The following RYR1 variants were observed in gnomAD, a reference collection of about 807,000 sequenced individuals.
The protein encoded by RYR1 is ryanodine receptor 1, also known as central core disease of muscle.
In RYR1, 342 loss-of-function variants were observed where a neutral mutation model predicts 583.5. That is an observed-to-expected ratio of 0.59 (90% CI 0.54 to 0.64). The LOEUF is 0.64. Among genes scored for constraint, RYR1 ranks in the 30% least tolerant of loss-of-function variants. The pLI is 0.00. For missense variants in RYR1, 6,032 were observed against 6,917.2 expected (o/e 0.87, Z 4.54); for synonymous variants, 2,791 against 2,822.5 (o/e 0.99, Z 0.35).
At chr19:38,536,655 G>A in intron 82 of RYR1, 95 bp from the exon 83 acceptor site, 1 of 1,412,346 alleles carries the variant, frequency 7.1e-7, no homozygotes, top group Non-Finnish European at 9.9e-7. Flanking sequence ...CTGTGTCTCT[G>A]TCCCTGACTG....
rs1970693167 is a variant in RYR1, at chr19:38,510,799, C to G, written c.9122+18C>G. 1 of 1,613,986 alleles carries G rather than the reference C, an allele frequency of 6.2e-7. No individual in the cohort carries two copies. The highest frequency in any genetic ancestry group is 1.3e-5 in the African/African-American group (1 of 75,054). ...ATCACCAGGTGGGCCGCCTGTGACC[C>G]TGGACCCAGCCCCCTGACCTCACAG... is the stretch of plus-strand genomic sequence containing the variant. On this transcript the variant is annotated intron_variant, in intron 60 of 105. Transcript: ENST00000359596.
rs1281311705 is a variant in RYR1, at chr19:38,561,403, C to T, written c.12573C>T (p.Arg4191=). ...TGGGCGCGTCACGCCGCATCGAGCG[C>T]ATCTACTTCGAGATCTCAGAGACCA... ...EIMGASRRIE[R]IYFEISETNR... Residue 4191 remains arginine, a synonymous_variant, in exon 90 of 106, where the codon CGC becomes CGT. Transcript: ENST00000359596. This position sits in a 1 kb window ranked among gnomAD's most constrained non-coding sequence, Gnocchi z 4.8. The T allele has an allele frequency of 1.9e-6, 3 of 1,612,838 alleles. No homozygotes were observed. The highest frequency in any genetic ancestry group is 2.7e-5 in the African/African-American group (2 of 74,936).
chr19:38,562,866 C>T (rs1003494187), intron 90 of RYR1, among the ~76,000 whole-genome samples: 4 of 152,188 alleles, frequency 2.6e-5, no homozygotes, highest in East Asian at 1.9e-4. Flanking sequence ...CCCTGGCCCC[C>T]GGTGTCTCCT....
rs1972292616 is a variant in RYR1 at position 38,543,509 on chromosome 19, C to T, written c.11779-23C>T. 1 of 1,614,152 alleles carries T rather than the reference C, an allele frequency of 6.2e-7. No homozygotes were observed. Reference sequence around the variant, plus strand: ...GCCATGGTCGGCCCCAGCACCCCCTCACACCCTACCCGCCCCCACCAGGAA... The same window carrying T: ...GCCATGGTCGGCCCCAGCACCCCCTTACACCCTACCCGCCCCCACCAGGAA... On this transcript the variant is annotated intron_variant, in intron 85 of 105. Transcript: ENST00000359596. This position sits in a 1 kb window ranked among gnomAD's most constrained non-coding sequence, Gnocchi z 4.4.
chr19:38,435,005 T>TCCCCAG (rs371593957), intron 1 of RYR1, among the ~76,000 whole-genome samples: 18 of 152,170 alleles, frequency 1.2e-4, no homozygotes, highest in African/African-American at 4.1e-4. Context: ...CGAGACTCTC[T>TCCCCAG]CCCCAGCCCC....
intron 31 of RYR1, among the ~76,000 whole-genome samples, chr19:38,479,070 A>G (rs1283977767): frequency 6.6e-6 from 1 of 152,104 alleles, no homozygotes; most frequent in Non-Finnish European, 1.5e-5. Context: ...ACCCAGCCAG[A>G]GTCCAGCCTT....
At chr19:38,582,196 G>A (rs1439696739) in intron 101 of RYR1, among the ~76,000 whole-genome samples, 1 of 152,064 alleles carries the variant, frequency 6.6e-6, no homozygotes, top group African/African-American at 2.4e-5. Context: ...TTGGGAGTTT[G>A]AGACCGGCCT....
chr19:38,536,858 G>A, intron 83 of RYR1, 91 bp downstream of exon 83: 1 of 1,396,404 alleles, frequency 7.2e-7, no homozygotes, highest in Non-Finnish European at 1.0e-6. Context: ...GAGGATCTGG[G>A]ACGTGGAGGG....
Position 38,466,115 on chromosome 19 carries a change from G to A in RYR1, c.2895G>A (p.Lys965=), listed in dbSNP as rs751363058. Residue 965 remains lysine, a synonymous_variant, in exon 24 of 106, where the codon AAG becomes AAA. Coordinates refer to ENST00000359596, the MANE Select transcript of RYR1 (RefSeq NM_000540.3). ...GGTATATGATGAGCAATGGGTACAA[G>A]CCGGCTCCGCTGGACCTGAGCCACG... ...PKTYMMSNGY[K]PAPLDLSHVR... 1.9e-6 allele frequency: 3 copies of A among 1,612,110 alleles called. No individual in the cohort carries two copies. The highest frequency in any genetic ancestry group is 2.7e-5 in the African/African-American group (2 of 74,886).
In RYR1 at chr19:38,565,272, TGCG is replaced by T; in HGVS notation, c.12945_12947del (p.Arg4316del). On this transcript the variant is annotated inframe_deletion, in exon 91 of 106. Coordinates refer to ENST00000359596, the MANE Select transcript of RYR1 (RefSeq NM_000540.3). The surrounding 1 kb of genome is among the most constrained non-coding windows in gnomAD (Gnocchi z 4.7). ...CTGCGAGGCCTCAGCTACCGCAGCC[TGCG>T]GCGGCGCGTGCGGCGGCTGCGGCGG... 2.0e-6 allele frequency: 2 copies of T among 995,486 alleles called. No individual in the cohort carries two copies. The highest frequency in any genetic ancestry group is 2.4e-6 in the Non-Finnish European group (2 of 838,386). 61.7% of individuals were successfully genotyped at this position (995,486 alleles called of 1,614,324 possible). A position where few individuals can be genotyped will look rare whatever the true frequency, so the allele number is the denominator to read the frequency against.
intron 27 of RYR1, among the ~76,000 whole-genome samples, chr19:38,471,669 T>C (rs1968425580): frequency 6.6e-6 from 1 of 150,838 alleles, no homozygotes; most frequent in Non-Finnish European, 1.5e-5. Flanking sequence ...GGGAGGCCGA[T>C]GTGGGTGGCT....
chr19:38,561,180 A>T lies in RYR1; in HGVS notation c.12350A>T (p.Asp4117Val), dbSNP rs765132716. 3.4e-5 allele frequency: 55 copies of T among 1,614,042 alleles called. No individual in the cohort carries two copies. Among genetic ancestry groups the T allele is most frequent in the Non-Finnish European group, 4.4e-5 (52 of 1,180,032 alleles). ...TTCCTGCTTTCGTGCTCCGAAGCGG[A>T]TGAGAACGAAATGATCAACTGCGAA... Reference protein sequence around the residue: ...IQFLLSCSEADENEMINCEEF... With the variant: ...IQFLLSCSEAVENEMINCEEF... The change falls in exon 90 of 106, where the codon GAT becomes GTT. Residue 4117 changes from aspartate to valine, a missense_variant. Physicochemically the swap from Asp to Val is radical, Grantham distance 152 (BLOSUM62 -3). Around this residue, in one of 11 missense-constraint regions of RYR1, gnomAD observed 753 missense variants for 759.6 expected, o/e 0.99. Transcript: ENST00000359596. This position sits in a 1 kb window ranked among gnomAD's most constrained non-coding sequence, Gnocchi z 4.8.
chr19:38,504,418 G>A, intron 50 of RYR1, 58 bp downstream of exon 50: 2 of 1,594,378 alleles, frequency 1.3e-6, no homozygotes, highest in Non-Finnish European at 1.7e-6. Flanking sequence ...GCCCAAAATT[G>A]GGGGTCCAGA....
rs558434341 is a variant in RYR1, at chr19:38,516,321, A to G, written c.9685+104A>G. On this transcript the variant is annotated intron_variant, in intron 65 of 105. Transcript: ENST00000359596. ...GGTAGTGTGGCTGGGCTGGGCTGTG[A>G]GCGGCTGAGGATTCCCCAGGTTGGG... The G allele has an allele frequency of 1.0e-4, 142 of 1,391,918 alleles. 1 individual carries two copies. The East Asian group carries it at 2.9e-3, about 29-fold the overall frequency. The allele number at this position is 1,391,918 out of a possible 1,614,324, so 86.2% of individuals were successfully genotyped here. A position where few individuals can be genotyped will look rare whatever the true frequency, so the allele number is the denominator to read the frequency against.
intron 99 of RYR1, 29 bp from the exon 100 acceptor site, chr19:38,579,953 C>T (rs1161790588): frequency 1.9e-6 from 3 of 1,613,968 alleles, no homozygotes; most frequent in South Asian, 1.1e-5. Flanking sequence ...CCTGCCTTCC[C>T]CCTGACCCCT....
At chr19:38,466,036 G>A in intron 23 of RYR1, 55 bp from the exon 24 acceptor site, 1 of 1,532,232 alleles carries the variant, frequency 6.5e-7, no homozygotes, top group South Asian at 1.2e-5. Flanking sequence ...ATATAGTGCA[G>A]AGCCCGGAAG....
chr19:38,506,149 T>C (rs1389235316), intron 54 of RYR1, among the ~76,000 whole-genome samples, 154 bp from the exon 55 acceptor site: 1 of 129,092 alleles, frequency 7.7e-6, no homozygotes, highest in Non-Finnish European at 1.6e-5. Context: ...AAGGATGGGG[T>C]GGTTTAGAGA....
At chr19:38,524,731 C>T (rs1168294755) in intron 70 of RYR1, among the ~76,000 whole-genome samples, 1 of 152,202 alleles carries the variant, frequency 6.6e-6, no homozygotes, top group Non-Finnish European at 1.5e-5. Context: ...TTTTCAGTCT[C>T]TCAGTGTCTT....
chr19:38,479,797 C>A (rs1193492736), intron 31 of RYR1, among the ~76,000 whole-genome samples: 1 of 151,986 alleles, frequency 6.6e-6, no homozygotes. Flanking sequence ...CTCACTGCAG[C>A]CACAACCTTC....
Sources: gnomAD v4.1 joint callset for allele counts (sites outside exome capture counted in the v4.1 genomes callset) on GRCh38, gnomAD v4.1.1 for gene constraint, gnomAD v4.1.1 regional missense constraint, Gnocchi (gnomAD v3.1) non-coding constraint, MANE v1.5 for transcripts, NCBI Gene and HGNC (gene_info 2026-07-23, HGNC 2026-07-21) for gene names.